Variants in CEP83 observed in about 807,000 individuals in gnomAD.
CEP83 encodes centrosomal protein of 83 kDa.
Under a neutral mutation model 101.9 loss-of-function variants are expected in CEP83, and 70 were observed. The observed-to-expected ratio is 0.69, with a 90% CI of 0.57 to 0.84. The LOEUF (loss-of-function observed/expected upper bound fraction) is 0.84, where lower values mean the gene tolerates loss of function less well. CEP83 is among the 40% of genes least tolerant of loss of function. The pLI, the probability that CEP83 is intolerant of heterozygous loss-of-function variation, is 0.00. For missense variants in CEP83, 715 were observed against 787.2 expected, an observed-to-expected ratio of 0.91 and a Z score of 1.10; for synonymous variants, 264 against 267.9, an observed-to-expected ratio of 0.99 and a Z score of 0.14.
chr12:94,345,701 C>A (rs2059904452), intron 11 of CEP83, among the ~76,000 whole-genome samples: 1 of 152,214 alleles, frequency 6.6e-6, no homozygotes, highest in African/African-American at 2.4e-5. Flanking sequence ...AGGGGTCCTG[C>A]CCCTTCCTTA....
the CEP83 span, chr12:94,297,476 T>C: frequency 8.1e-7 from 1 of 1,229,072 alleles, no homozygotes; most frequent in Admixed American, 1.8e-5. Flanking sequence ...GTGTATGATA[T>C]GTTTGACTTA....
chr12:94,329,258 T>A (rs894426311), intron 14 of CEP83, among the ~76,000 whole-genome samples: 1 of 152,056 alleles, frequency 6.6e-6, no homozygotes, highest in African/African-American at 2.4e-5. Context: ...GTTTTGGGGT[T>A]TTTTTGTTTA....
the CEP83 span, among the ~76,000 whole-genome samples, chr12:94,270,777 T>A: frequency 4.3e-4 from 64 of 148,762 alleles, no homozygotes; most frequent in South Asian, 3.0e-3. Flanking sequence ...TTTTTTTTTT[T>A]AAATGGAAAA....
At chr12:94,454,258 A>G (rs74563112) in intron 1 of CEP83, among the ~76,000 whole-genome samples, 56 of 152,228 alleles carry the variant, frequency 3.7e-4, no homozygotes, top group Non-Finnish European at 6.9e-4. Flanking sequence ...CTGTTATTAC[A>G]TAATACTTTT....
At chr12:94,400,414 C>T (rs1291856068) in intron 6 of CEP83, among the ~76,000 whole-genome samples, 1 of 152,184 alleles carries the variant, frequency 6.6e-6, no homozygotes, top group East Asian at 1.9e-4. Context: ...TTGATGGGTA[C>T]ACTTTAAGGT....
chr12:94,273,302 C>G, the CEP83 span, among the ~76,000 whole-genome samples: 4 of 152,088 alleles, frequency 2.6e-5, no homozygotes, highest in Non-Finnish European at 4.4e-5. Flanking sequence ...GGGAGGCAGG[C>G]CTGGGCTACA....
At chr12:94,303,713 AC>A, downstream of CEP83, 1 of 869,538 alleles carries the variant, frequency 1.2e-6, no homozygotes, top group East Asian at 4.0e-5. Context: ...TTTTTTTTTT[AC>A]TCTTTTGGTG....
At chr12:94,318,806 C>T (rs1158336860) in intron 14 of CEP83, among the ~76,000 whole-genome samples, 4 of 152,180 alleles carry the variant, frequency 2.6e-5, no homozygotes, top group South Asian at 2.1e-4. Context: ...CTACTGGATT[C>T]GGTTTGTAAG....
intron 4 of CEP83, among the ~76,000 whole-genome samples, chr12:94,409,961 T>A (rs2063779256): frequency 6.6e-6 from 1 of 152,128 alleles, no homozygotes. Context: ...CCAAATAAGG[T>A]CACCTTCTGA....
At chr12:94,356,339 CAGCTAA>C (rs1369514485) in intron 11 of CEP83, among the ~76,000 whole-genome samples, 1 of 152,164 alleles carries the variant, frequency 6.6e-6, no homozygotes. Flanking sequence ...GTTTATTTGC[CAGCTAA>C]AGCTAAAGCG....
intron 13 of CEP83, among the ~76,000 whole-genome samples, chr12:94,332,088 T>G (rs1842915149): frequency 6.6e-6 from 1 of 152,216 alleles, no homozygotes; most frequent in Non-Finnish European, 1.5e-5. Context: ...TATACTTCTG[T>G]CCATTTTATA....
At position 94,400,946 on chromosome 12, in the gene CEP83, A is replaced by G; in HGVS notation, c.453T>C (p.Leu151=). The change falls in exon 6 of 17, where the codon CTT becomes CTC. Residue 151 remains leucine, a synonymous_variant. Coordinates refer to ENST00000397809, the MANE Select transcript of CEP83 (RefSeq NM_016122.3). ...ACTTGAGAAATGTATGTTCATAGCG[A>G]AGCTTATTATATACAGCTCTATACT... ...VEKYRAVYNK[L]RYEHTFLKSE... 6.6e-7 allele frequency: 1 copy of G among 1,507,364 alleles called. No homozygotes were observed. Among genetic ancestry groups the G allele is most frequent in the South Asian group, 1.4e-5 (1 of 69,560 alleles). 93.4% of individuals were successfully genotyped at this position (1,507,364 alleles called of 1,614,324 possible). A position where few individuals can be genotyped will look rare whatever the true frequency, so the allele number is the denominator to read the frequency against.
At position 94,338,352 on chromosome 12, in the gene CEP83, T is replaced by C. The variant is rs2059538046; in HGVS notation, c.1344-2688A>G. ...ACTGTAGGTCATTAACTGCAAGAGA[T>C]AAAAGACAGGTATAAAACTGGATGC... On this transcript the variant is annotated intron_variant, in intron 11 of 16. Coordinates refer to ENST00000397809, the MANE Select transcript of CEP83 (RefSeq NM_016122.3). 3.3e-5 allele frequency among the ~76,000 whole-genome samples: 5 copies of C among 152,110 alleles called. No individual in the cohort carries two copies. In the South Asian group the frequency reaches 1.0e-3, roughly 32 times the overall value.
the CEP83 span, chr12:94,276,841 CCAGAACATAAAGGTT>C: frequency 1.3e-5 from 2 of 152,078 alleles, no homozygotes; most frequent in South Asian, 2.1e-4. Context: ...GGTGGCTGGC[CCAGAACATAAAGGTT>C]CTCTGAGAGC....
chr12:94,452,568 A>G (rs1356931211), intron 1 of CEP83, among the ~76,000 whole-genome samples: 1 of 152,170 alleles, frequency 6.6e-6, no homozygotes, highest in East Asian at 1.9e-4. Context: ...TTTCCTTCTT[A>G]AGGCTTTAAA....
At chr12:94,326,133 C>A (rs2058965742) in intron 14 of CEP83, among the ~76,000 whole-genome samples, 2 of 152,130 alleles carry the variant, frequency 1.3e-5, no homozygotes, top group African/African-American at 4.8e-5. Context: ...AACTCTTCAA[C>A]AATGAGATTT....
intron 6 of CEP83, among the ~76,000 whole-genome samples, chr12:94,382,127 T>A (rs1168984322): frequency 6.6e-6 from 1 of 152,056 alleles, no homozygotes; most frequent in African/African-American, 2.4e-5. Context: ...TTCATCTGCA[T>A]TGTCAAATTT....
chr12:94,315,911 T>C (rs1970611995), intron 14 of CEP83, among the ~76,000 whole-genome samples: 1 of 152,164 alleles, frequency 6.6e-6, no homozygotes, highest in African/African-American at 2.4e-5. Flanking sequence ...CTGTAGCTTA[T>C]ATTTAGTGTT....
At chr12:94,379,397 C>A (rs1222593580) in intron 6 of CEP83, among the ~76,000 whole-genome samples, 1 of 152,002 alleles carries the variant, frequency 6.6e-6, no homozygotes, top group Non-Finnish European at 1.5e-5. Flanking sequence ...TCTGACTACT[C>A]CAAAGCTTTT....
Sources: gnomAD v4.1 joint callset for allele counts (sites outside exome capture counted in the v4.1 genomes callset) on GRCh38, gnomAD v4.1.1 for gene constraint, MANE v1.5 for transcripts, NCBI Gene and HGNC (gene_info 2026-07-23, HGNC 2026-07-21) for gene names.